The following CDS2 variants were observed in gnomAD, a reference collection of about 807,000 sequenced individuals.
CDS2 encodes phosphatidate cytidylyltransferase 2.
A neutral mutation model predicts 59.0 loss-of-function variants in CDS2; 47 were observed. The ratio of observed to expected loss-of-function variants is 0.80; its 90% CI spans 0.63 to 1.02. CDS2 has a LOEUF of 1.02. Among genes scored for constraint, CDS2 ranks in the 50% least tolerant of loss-of-function variants. The probability of loss-of-function intolerance (pLI) is 0.00; values close to 1 mark genes in which losing one functional copy is unlikely to be tolerated. For missense variants in CDS2, 356 were observed against 558.9 expected (o/e 0.64, Z 3.66); for synonymous variants, 207 against 206.4 (o/e 1.00, Z -0.02).
In CDS2 at chr20:5,195,349, A is replaced by G. The variant is rs1278723017; in HGVS notation, c.*5115A>G. The G allele has an allele frequency of 6.6e-6, 1 of 152,226 alleles. No individual in the cohort carries two copies. Among genetic ancestry groups the G allele is most frequent in the African/African-American group, 2.4e-5 (1 of 41,344 alleles). The allele number at this position is 152,226 out of a possible 1,614,324, so 9.4% of individuals were successfully genotyped here. ...GCACGCCAACCTTAACATCCCCTACAGCATCTTGGTGCTTCACACACCATT... is the reference window on the plus strand; with the variant it reads ...GCACGCCAACCTTAACATCCCCTACGGCATCTTGGTGCTTCACACACCATT... On this transcript the variant is annotated 3_prime_UTR_variant, in exon 13 of 13. Transcript: ENST00000460006.
chr20:5,177,505 G>A (rs764201853), intron 4 of CDS2, among the ~76,000 whole-genome samples: 1 of 152,192 alleles, frequency 6.6e-6, no homozygotes, highest in African/African-American at 2.4e-5. Context: ...TGTAACACAT[G>A]TCTGAGACCC....
chr20:5,173,473 G>A, intron 1 of CDS2, 50 bp from the exon 2 acceptor site: 2 of 1,607,360 alleles, frequency 1.2e-6, no homozygotes, highest in Non-Finnish European at 1.7e-6. Flanking sequence ...CTTCTCAATG[G>A]TCTACTCGGC....
At chr20:5,178,749 G>A (rs2091011999) in intron 4 of CDS2, 68 bp from the exon 5 acceptor site, 3 of 1,564,318 alleles carry the variant, frequency 1.9e-6, no homozygotes, top group Non-Finnish European at 2.6e-6. Flanking sequence ...CCTTCCTCTG[G>A]GATGTCTGAC....
intron 1 of CDS2, among the ~76,000 whole-genome samples, chr20:5,154,886 G>A (rs2090821143): frequency 6.6e-6 from 1 of 152,186 alleles, no homozygotes; most frequent in Non-Finnish European, 1.5e-5. Flanking sequence ...GAGCTCAAGC[G>A]ATCCGCCTGC....
intron 10 of CDS2, among the ~76,000 whole-genome samples, chr20:5,188,763 G>T (rs2091089665): frequency 6.6e-6 from 1 of 152,170 alleles, no homozygotes; most frequent in Non-Finnish European, 1.5e-5. Context: ...TTGTAACATG[G>T]CGGAGAAGGT....
rs1275689959 is a variant in CDS2, at chr20:5,193,469, A to G, written c.*3235A>G. On this transcript the variant is annotated 3_prime_UTR_variant, in exon 13 of 13. Coordinates refer to ENST00000460006, the MANE Select transcript of CDS2 (RefSeq NM_003818.4). ...TTTCCACTGTAACTTGACCTATATTATGCAAGAAAATCCCAAAAATATGTT... is the reference window on the plus strand; with the variant it reads ...TTTCCACTGTAACTTGACCTATATTGTGCAAGAAAATCCCAAAAATATGTT... 3 of 152,308 alleles carry G rather than the reference A, an allele frequency of 2.0e-5. No homozygotes were observed. The highest frequency in any genetic ancestry group is 1.9e-4 in the East Asian group (1 of 5,188). 9.4% of individuals were successfully genotyped at this position (152,308 alleles called of 1,614,324 possible).
chr20:5,189,912 C>G (rs1600520496), intron 12 of CDS2, 74 bp downstream of exon 12: 2 of 1,412,560 alleles, frequency 1.4e-6, no homozygotes, highest in South Asian at 2.5e-5. Context: ...TTAGCGGCAT[C>G]TAAGTTCCAG....
At chr20:5,179,014 G>T (rs1266595842) in intron 5 of CDS2, 58 bp downstream of exon 5, 2 of 1,540,542 alleles carry the variant, frequency 1.3e-6, no homozygotes, top group Non-Finnish European at 1.8e-6. Context: ...ATGTCTGTCA[G>T]GTAGGAATTG....
chr20:5,139,369 A>G (rs907382522), intron 1 of CDS2, among the ~76,000 whole-genome samples: 2 of 152,226 alleles, frequency 1.3e-5, no homozygotes, highest in African/African-American at 4.8e-5. Context: ...TATCAAAAAC[A>G]AACAAAAAAA....
rs2090557397 is a variant in CDS2, at chr20:5,127,022, G to T, written c.-71G>T. On this transcript the variant is annotated 5_prime_UTR_variant, in exon 1 of 13. Transcript: ENST00000460006. ...GGGCCGGCCGTGGGAGTCCGCGCGT[G>T]CCCGCGCCGAGCTGCCTGCTCCGGC... 2 of 1,413,180 alleles carry T rather than the reference G, an allele frequency of 1.4e-6. No individual in the cohort carries two copies. The highest frequency in any genetic ancestry group is 1.4e-5 in the South Asian group (1 of 71,952). 87.5% of individuals were successfully genotyped at this position (1,413,180 alleles called of 1,614,324 possible). A position where few individuals can be genotyped will look rare whatever the true frequency, so the allele number is the denominator to read the frequency against.
chr20:5,145,931 C>G (rs146354455), intron 1 of CDS2, among the ~76,000 whole-genome samples: 1 of 151,722 alleles, frequency 6.6e-6, no homozygotes, highest in Non-Finnish European at 1.5e-5. Flanking sequence ...TCAGTCAACC[C>G]TCCCATCTCA....
At chr20:5,170,394 A>G (rs7266351) in intron 1 of CDS2, among the ~76,000 whole-genome samples, 20,490 of 152,116 alleles carry the variant, frequency 0.13, 1,709 homozygotes, top group Middle Eastern at 0.24. Flanking sequence ...GGTATGAGCA[A>G]CTGTGTCTCC....
rs1226043390 is a variant in CDS2 at position 5,192,191 on chromosome 20, T to C, written c.*1957T>C. ...CTCCTCATTTGTCTCTTTTGTCCCA[T>C]TGTGGGCATATGGTGGGCTCCTTGA... On this transcript the variant is annotated 3_prime_UTR_variant, in exon 13 of 13. Coordinates refer to ENST00000460006, the MANE Select transcript of CDS2 (RefSeq NM_003818.4). The C allele has an allele frequency of 6.6e-6, 1 of 152,230 alleles. No homozygotes were observed. The highest frequency in any genetic ancestry group is 2.4e-5 in the African/African-American group (1 of 41,410). 9.4% of individuals were successfully genotyped at this position (152,230 alleles called of 1,614,324 possible). A position where few individuals can be genotyped will look rare whatever the true frequency, so the allele number is the denominator to read the frequency against.
intron 9 of CDS2, 58 bp from the exon 10 acceptor site, chr20:5,186,629 T>A: frequency 6.3e-7 from 1 of 1,592,918 alleles, no homozygotes; most frequent in Non-Finnish European, 8.6e-7. Flanking sequence ...GGTGCCTGTG[T>A]CTGGGCTGGA....
chr20:5,139,354 C>G (rs1239343741), intron 1 of CDS2, among the ~76,000 whole-genome samples: 1 of 152,164 alleles, frequency 6.6e-6, no homozygotes, highest in Non-Finnish European at 1.5e-5. Flanking sequence ...AGAGCCAAGA[C>G]TCTGTATCAA....
At chr20:5,146,103 A>G (rs1021707460) in intron 1 of CDS2, among the ~76,000 whole-genome samples, 1 of 152,182 alleles carries the variant, frequency 6.6e-6, no homozygotes, top group African/African-American at 2.4e-5. Flanking sequence ...GATTACAGAC[A>G]TGAACCACTG....
At chr20:5,177,231 C>G (rs1278737930) in intron 4 of CDS2, among the ~76,000 whole-genome samples, 3 of 152,046 alleles carry the variant, frequency 2.0e-5, no homozygotes, top group East Asian at 3.9e-4. Context: ...CAGCATCCCA[C>G]TAGAGTTGTC....
chr20:5,143,777 T>TG (rs2090716433), intron 1 of CDS2, among the ~76,000 whole-genome samples: 1 of 150,240 alleles, frequency 6.7e-6, no homozygotes, highest in African/African-American at 2.4e-5. Context: ...CTTTTTTTTT[T>TG]TTTTTGAGAC....
At chr20:5,167,427 T>G (rs1016768936) in intron 1 of CDS2, among the ~76,000 whole-genome samples, 2 of 152,210 alleles carry the variant, frequency 1.3e-5, no homozygotes, top group African/African-American at 4.8e-5. Flanking sequence ...GGTGTTTTGT[T>G]CTGACAATTG....
Sources: allele counts gnomAD v4.1 joint callset (sites outside exome capture counted in the v4.1 genomes callset), GRCh38; gene constraint gnomAD v4.1.1; transcripts MANE v1.5; gene names NCBI Gene and HGNC (gene_info 2026-07-23, HGNC 2026-07-21).